Variants in AP3B1 observed in about 807,000 individuals in gnomAD.
AP3B1 encodes the protein adaptor related protein complex 3 subunit beta 1.
A neutral mutation model predicts 132.5 loss-of-function variants in AP3B1; 61 were observed. The observed-to-expected ratio is 0.46, with a 90% CI of 0.37 to 0.57. AP3B1 has a LOEUF of 0.57. Ranked by LOEUF, AP3B1 falls within the 20% of genes least tolerant of loss-of-function variation. AP3B1 has a pLI of 0.00. For synonymous variants in AP3B1, 388 were observed against 438.3 expected (o/e 0.89, Z 1.43); for missense variants, 1,120 against 1,289.4 (o/e 0.87, Z 2.01).
intron 2 of AP3B1, among the ~76,000 whole-genome samples, chr5:78,257,025 T>A (rs1233741807): frequency 6.6e-6 from 1 of 152,084 alleles, no homozygotes; most frequent in African/African-American, 2.4e-5. Flanking sequence ...TACATCAACA[T>A]AATAAAAACT....
intron 19 of AP3B1, among the ~76,000 whole-genome samples, chr5:78,112,874 G>A (rs1751657646): frequency 6.6e-6 from 1 of 152,166 alleles, no homozygotes; most frequent in Admixed American, 6.6e-5. Context: ...ATGATGAAAA[G>A]CCTGTATTAA....
intron 12 of AP3B1, among the ~76,000 whole-genome samples, chr5:78,164,640 TA>T (rs1211006473): frequency 6.6e-6 from 1 of 152,180 alleles, no homozygotes; most frequent in Non-Finnish European, 1.5e-5. Context: ...TAAAATAGTA[TA>T]TTTTCTAGAA....
intron 24 of AP3B1, among the ~76,000 whole-genome samples, chr5:78,030,210 G>A (rs772769112): frequency 6.6e-5 from 10 of 151,818 alleles, no homozygotes; most frequent in Non-Finnish European, 1.0e-4. Context: ...CAATCATCGC[G>A]CACTGCAGCC....
At chr5:78,186,939 A>T (rs1049514499) in intron 7 of AP3B1, among the ~76,000 whole-genome samples, 1 of 152,174 alleles carries the variant, frequency 6.6e-6, no homozygotes, top group Non-Finnish European at 1.5e-5. Context: ...GTGCTTTTTA[A>T]ATCCACAGGC....
At chr5:78,060,726 A>C (rs762241660) in intron 22 of AP3B1, among the ~76,000 whole-genome samples, 1 of 152,168 alleles carries the variant, frequency 6.6e-6, no homozygotes, top group African/African-American at 2.4e-5. Context: ...ATCAGAATGT[A>C]GTAGACATTC....
At chr5:78,113,985 G>A (rs1254984881) in intron 18 of AP3B1, 62 bp from the exon 19 acceptor site, 9 of 1,543,394 alleles carry the variant, frequency 5.8e-6, no homozygotes, top group Non-Finnish European at 8.0e-6. Context: ...ACGGACACCT[G>A]TAACTGTCAA....
intron 17 of AP3B1, among the ~76,000 whole-genome samples, chr5:78,121,410 C>G (rs891422929): frequency 2.0e-5 from 3 of 151,970 alleles, no homozygotes; most frequent in African/African-American, 2.4e-5. Flanking sequence ...CCAGGAGCTG[C>G]TTTTTTGAAA....
rs370497154 is a variant in AP3B1 at position 78,156,286 on chromosome 5, T to C, written c.1445A>G (p.His482Arg). The C allele has an allele frequency of 3.1e-6, 5 of 1,613,444 alleles. No homozygotes were observed. Among genetic ancestry groups the C allele is most frequent in the African/African-American group, 2.7e-5 (2 of 74,932 alleles). The change falls in exon 14 of 27, where the codon CAT becomes CGT. Residue 482 changes from histidine (H) to arginine (R), a missense_variant. By Grantham distance (29) the His-to-Arg change is conservative. Around this residue, in one of 3 missense-constraint regions of AP3B1, gnomAD observed 906 missense variants for 997.1 expected, o/e 0.91. Transcript: ENST00000255194. Reference sequence around the variant, plus strand: ...GATACTGTCCAGGAGTTTGGCCATATGTTTAATAATTTCACCATGTTGTGC... The same window carrying C: ...GATACTGTCCAGGAGTTTGGCCATACGTTTAATAATTTCACCATGTTGTGC... The part of the protein sequence containing the change: ...QPAQHGEIIK[H>R]MAKLLDSITV...
At chr5:78,230,087 C>A (rs1439202455) in intron 3 of AP3B1, among the ~76,000 whole-genome samples, 1 of 152,156 alleles carries the variant, frequency 6.6e-6, no homozygotes, top group Non-Finnish European at 1.5e-5. Context: ...AGATGAGGTA[C>A]TTCCACAGAT....
Position 78,294,361 on chromosome 5 carries a change from C to T in AP3B1, c.128+91G>A, listed in dbSNP as rs114581623. 1.9e-3 allele frequency: 3,099 copies of T among 1,594,016 alleles called. 53 individuals are homozygous for T. The African/African-American group carries it at 0.036, about 18-fold the overall frequency. On this transcript the variant is annotated intron_variant, in intron 1 of 26. Coordinates refer to ENST00000255194, the MANE Select transcript of AP3B1 (RefSeq NM_003664.5). ...CCCTGCTCAGACCTCAGGGCGACCC[C>T]GCTCCTCTCCAGGAAGCCCACCCTG...
chr5:78,118,446 G>A (rs947246830), intron 17 of AP3B1, among the ~76,000 whole-genome samples: 12 of 151,962 alleles, frequency 7.9e-5, no homozygotes, highest in Admixed American at 2.0e-4. Flanking sequence ...GTGACAGACG[G>A]CACCTGGAAA....
chr5:78,291,420 G>GAAAAAA lies in AP3B1; in HGVS notation c.128+3026_128+3031dup, dbSNP rs5868911. On this transcript the variant is annotated intron_variant, in intron 1 of 26. Coordinates refer to ENST00000255194, the MANE Select transcript of AP3B1 (RefSeq NM_003664.5). ...CTCAGTGTCTCCCCACAGATAATTT[G>GAAAAAA]AAAAAAAAAAAAAAAAAAACAGAAA... 4.6e-4 allele frequency among the ~76,000 whole-genome samples: 39 copies of GAAAAAA among 85,680 alleles called. 1 individual carries two copies. The highest frequency in any genetic ancestry group is 1.3e-3 in the East Asian group (3 of 2,338). 56.2% of individuals were successfully genotyped at this position (85,680 alleles called of 152,430 possible).
rs113635303 is a variant in AP3B1, at chr5:78,278,702, A to C, written c.129-11107T>G. ...CAGGGGTCCTCAACCCCCAGGCCAC[A>C]GAACATTACCCATCTGTGGCTTGTT... On this transcript the variant is annotated intron_variant, in intron 1 of 26. Transcript: ENST00000255194. Among the ~76,000 whole-genome samples, 207 of 151,910 alleles carry C rather than the reference A, an allele frequency of 1.4e-3. 1 individual carries two copies. Among genetic ancestry groups the C allele is most frequent in the Non-Finnish European group, 2.5e-3 (172 of 67,966 alleles).
rs569465616 is a variant in AP3B1 at position 78,184,168 on chromosome 5, C to CA, written c.787-2507dup. Among the ~76,000 whole-genome samples, 478 of 124,510 alleles carry CA rather than the reference C, an allele frequency of 3.8e-3. 1 individual carries two copies. Among genetic ancestry groups the CA allele is most frequent in the South Asian group, 0.023 (83 of 3,658 alleles). 81.7% of individuals were successfully genotyped at this position (124,510 alleles called of 152,430 possible). Reference sequence around the variant, plus strand: ...TGGGTGACAGAGTGAGACTCCATCTCAAAAAAAAAAAAATTATAAAGTTTA... The same window carrying CA: ...TGGGTGACAGAGTGAGACTCCATCTCAAAAAAAAAAAAAATTATAAAGTTTA... On this transcript the variant is annotated intron_variant, in intron 7 of 26. Coordinates refer to ENST00000255194, the MANE Select transcript of AP3B1 (RefSeq NM_003664.5).
At chr5:78,122,439 T>C (rs1252409623) in intron 17 of AP3B1, among the ~76,000 whole-genome samples, 1 of 152,230 alleles carries the variant, frequency 6.6e-6, no homozygotes, top group Non-Finnish European at 1.5e-5. Context: ...ATTGTTTATC[T>C]AGAAAACCCA....
At chr5:78,138,835 T>C (rs1375015061) in intron 15 of AP3B1, among the ~76,000 whole-genome samples, 2 of 151,504 alleles carry the variant, frequency 1.3e-5, no homozygotes, top group Non-Finnish European at 2.9e-5. Context: ...CCAGGCATGG[T>C]GGCACATGCC....
At chr5:78,021,446 CA>C (rs1259420678) in intron 24 of AP3B1, among the ~76,000 whole-genome samples, 1 of 151,968 alleles carries the variant, frequency 6.6e-6, no homozygotes, top group African/African-American at 2.4e-5. Context: ...GATAGAAAAA[CA>C]ATAAGTGCAT....
At chr5:78,160,619 A>T (rs1020371310) in intron 13 of AP3B1, among the ~76,000 whole-genome samples, 3 of 152,118 alleles carry the variant, frequency 2.0e-5, no homozygotes, top group African/African-American at 7.2e-5. Flanking sequence ...ATGATGAGGT[A>T]TTCATTTCAA....
rs3050114 is a variant in AP3B1 at position 78,135,540 on chromosome 5, TTAAA to T, written c.1650+5599_1650+5602del. On this transcript the variant is annotated intron_variant, in intron 15 of 26. Coordinates refer to ENST00000255194, the MANE Select transcript of AP3B1 (RefSeq NM_003664.5). ...AGGTTCTAGTTCTATACATCTTACA[TTAAA>T]TAAATAAATAAATAAATAAATAAAG... 5.3e-3 allele frequency among the ~76,000 whole-genome samples: 800 copies of T among 151,332 alleles called. 4 individuals carry two copies. Among genetic ancestry groups the T allele is most frequent in the African/African-American group, 0.017 (688 of 41,240 alleles).
Sources: gnomAD v4.1 joint callset for allele counts (sites outside exome capture counted in the v4.1 genomes callset) on GRCh38, gnomAD v4.1.1 for gene constraint, gnomAD v4.1.1 regional missense constraint, MANE v1.5 for transcripts, NCBI Gene and HGNC (gene_info 2026-07-23, HGNC 2026-07-21) for gene names.